The following DLGAP2 variants were observed in gnomAD, a reference collection of about 807,000 sequenced individuals.
The protein encoded by DLGAP2 is disks large-associated protein 2.
DLGAP2 carries 26 observed loss-of-function variants against 100.3 expected under a neutral mutation model. That is an observed-to-expected ratio of 0.26 (90% confidence interval 0.19 to 0.36). The LOEUF (loss-of-function observed/expected upper bound fraction) is 0.36, where lower values mean the gene tolerates loss of function less well. Among genes scored for constraint, DLGAP2 ranks in the 10% least tolerant of loss-of-function variants. The pLI, the probability that DLGAP2 is intolerant of heterozygous loss-of-function variation, is 1.00. For synonymous variants in DLGAP2, 886 were observed against 630.1 expected (o/e 1.41, Z -6.08); for missense variants, 1,858 against 1,453.2 (o/e 1.28, Z -4.53).
chr8:1,591,097 G>T lies in DLGAP2; in HGVS notation c.1442+25203G>T, dbSNP rs145994340. Among the ~76,000 whole-genome samples the T allele has an allele frequency of 5.8e-3, 881 of 152,316 alleles. 7 individuals are homozygous for T. The highest frequency in any genetic ancestry group is 0.02 in the African/African-American group (826 of 41,556). ...CCCATGCCGGCAGCTGCAGAACTGG[G>T]TGCACTCAATCTCAGGTGCAGCCCA... On this transcript the variant is annotated intron_variant, in intron 6 of 14. Coordinates refer to ENST00000637795, the MANE Select transcript of DLGAP2 (RefSeq NM_001346810.2).
Position 1,319,974 on chromosome 8 carries a change from CAG to C in DLGAP2, c.106+61092_106+61093del, listed in dbSNP as rs530741148. On this transcript the variant is annotated intron_variant, in intron 3 of 14. Transcript: ENST00000637795. ...TTTAACCCAGATGCTGGTGGAGTAA[CAG>C]GGGTGGGGGAGAATAGGGCAGGAGA... Among the ~76,000 whole-genome samples, 98 of 152,144 alleles carry C rather than the reference CAG, an allele frequency of 6.4e-4. 1 individual carries two copies. In the East Asian group the frequency reaches 9.5e-3, roughly 15 times the overall value.
intron 2 of DLGAP2, among the ~76,000 whole-genome samples, chr8:1,177,529 T>C (rs1797286834): frequency 6.6e-6 from 1 of 152,184 alleles, no homozygotes; most frequent in Admixed American, 6.5e-5. Flanking sequence ...TGGCTTGCGA[T>C]TGTGTTGCTT....
intron 4 of DLGAP2, among the ~76,000 whole-genome samples, chr8:1,515,433 C>A (rs1049644172): frequency 6.8e-6 from 1 of 146,652 alleles, no homozygotes; most frequent in Non-Finnish European, 1.5e-5. Flanking sequence ...CACGCAGACA[C>A]ATGCACACAC....
At chr8:1,232,718 C>T (rs776315054) in intron 2 of DLGAP2, among the ~76,000 whole-genome samples, 12 of 152,208 alleles carry the variant, frequency 7.9e-5, no homozygotes, top group Non-Finnish European at 1.5e-4. Flanking sequence ...GGTGCATGTT[C>T]AGTGACTTGT....
intron 1 of DLGAP2, among the ~76,000 whole-genome samples, chr8:903,736 AGTGTGT>A (rs1798313779): frequency 6.6e-6 from 1 of 152,174 alleles, no homozygotes; most frequent in African/African-American, 2.4e-5. Flanking sequence ...TCTCCCAAAA[AGTGTGT>A]GATGGAGCCC....
chr8:1,001,107 C>G (rs575947218), intron 2 of DLGAP2, among the ~76,000 whole-genome samples: 1 of 152,224 alleles, frequency 6.6e-6, no homozygotes, highest in African/African-American at 2.4e-5. Context: ...TCTCCACTCT[C>G]TTCTTTTGAT....
intron 3 of DLGAP2, among the ~76,000 whole-genome samples, chr8:1,462,415 G>C (rs1798485314): frequency 1.0e-5 from 1 of 100,278 alleles, no homozygotes; most frequent in Non-Finnish European, 2.1e-5. Context: ...AGAAGCTGCT[G>C]CTGTCACAGG....
intron 8 of DLGAP2, among the ~76,000 whole-genome samples, chr8:1,667,623 G>T (rs1798577934): frequency 1.3e-5 from 2 of 152,202 alleles, no homozygotes; most frequent in African/African-American, 4.8e-5. Flanking sequence ...AGAGCAGACA[G>T]TGCCCATCCT....
chr8:1,344,884 C>G (rs1801519025), intron 3 of DLGAP2, among the ~76,000 whole-genome samples: 1 of 152,162 alleles, frequency 6.6e-6, no homozygotes, highest in South Asian at 2.1e-4. Flanking sequence ...GCTGGCCTCC[C>G]TCCTGGACCG....
At chr8:766,028 G>A (rs1256067217) in intron 1 of DLGAP2, among the ~76,000 whole-genome samples, 3 of 152,150 alleles carry the variant, frequency 2.0e-5, no homozygotes, top group Non-Finnish European at 2.9e-5. Context: ...TCAGCTGGGC[G>A]TGGTGGCATG....
chr8:1,383,896 G>C (rs925015816), intron 3 of DLGAP2, among the ~76,000 whole-genome samples: 1 of 151,994 alleles, frequency 6.6e-6, no homozygotes, highest in African/African-American at 2.4e-5. Context: ...TTTGGCGGTG[G>C]ACTCTGACAG....
At chr8:765,659 G>A (rs1481144905) in intron 1 of DLGAP2, among the ~76,000 whole-genome samples, 2 of 152,122 alleles carry the variant, frequency 1.3e-5, no homozygotes, top group African/African-American at 2.4e-5. Context: ...CAAGGGTCAC[G>A]TTTGGGACCT....
chr8:957,336 G>A (rs976189380), intron 2 of DLGAP2, among the ~76,000 whole-genome samples: 52 of 152,334 alleles, frequency 3.4e-4, no homozygotes, highest in Middle Eastern at 3.4e-3. Context: ...GCATTCCATC[G>A]GCCCTGTGTG....
intron 2 of DLGAP2, among the ~76,000 whole-genome samples, chr8:1,187,730 G>T (rs190056091): frequency 1.7e-5 from 2 of 120,496 alleles, no homozygotes; most frequent in Non-Finnish European, 3.2e-5. Context: ...AATCTCACAC[G>T]CCCGAGACTT....
chr8:1,024,520 C>T (rs1355219693), intron 2 of DLGAP2, among the ~76,000 whole-genome samples: 1 of 152,236 alleles, frequency 6.6e-6, no homozygotes, highest in African/African-American at 2.4e-5. Context: ...GCCTGCACCT[C>T]TGCCTGGCAC....
At chr8:881,364 A>G (rs1415016205) in intron 1 of DLGAP2, among the ~76,000 whole-genome samples, 2 of 152,166 alleles carry the variant, frequency 1.3e-5, no homozygotes, top group Non-Finnish European at 2.9e-5. Context: ...CTATCTCTGT[A>G]AATAGAGATT....
intron 2 of DLGAP2, among the ~76,000 whole-genome samples, chr8:1,118,379 G>T (rs1795949680): frequency 6.6e-6 from 1 of 152,188 alleles, no homozygotes; most frequent in Non-Finnish European, 1.5e-5. Flanking sequence ...TTCCTTACGT[G>T]ACTGAGGACA....
At chr8:989,570 C>G (rs527493486) in intron 2 of DLGAP2, among the ~76,000 whole-genome samples, 4 of 152,076 alleles carry the variant, frequency 2.6e-5, no homozygotes, top group South Asian at 4.1e-4. Context: ...CCCAGCAGGA[C>G]GAGCTCTTCC....
At chr8:1,467,266 C>A (rs1194654425) in intron 3 of DLGAP2, among the ~76,000 whole-genome samples, 2 of 152,022 alleles carry the variant, frequency 1.3e-5, no homozygotes, top group Admixed American at 1.3e-4. Flanking sequence ...CCCCCCAGCC[C>A]CACTGCACCC....
Sources: allele counts gnomAD v4.1 joint callset (sites outside exome capture counted in the v4.1 genomes callset), GRCh38; gene constraint gnomAD v4.1.1; transcripts MANE v1.5; gene names NCBI Gene and HGNC (gene_info 2026-07-23, HGNC 2026-07-21).